RGS6: variants seen among roughly 807,000 people sequenced by gnomAD.
The protein encoded by RGS6 is regulator of G protein signaling 6, also known as regulator of G-protein signaling 6.
Under a neutral mutation model 78.5 loss-of-function variants are expected in RGS6, and 30 were observed. That is an observed-to-expected ratio of 0.38 (90% CI 0.29 to 0.52). RGS6 has a LOEUF of 0.52. Among genes scored for constraint, RGS6 ranks in the 20% least tolerant of loss-of-function variants. The pLI, the probability that RGS6 is intolerant of heterozygous loss-of-function variation, is 0.85. For missense variants in RGS6, 495 were observed against 609.7 expected, an observed-to-expected ratio of 0.81 and a Z score of 1.98; for synonymous variants, 206 against 206.0, an observed-to-expected ratio of 1.00 and a Z score of 0.00.
At chr14:72,198,547 T>A (rs2040741434) in intron 2 of RGS6, among the ~76,000 whole-genome samples, 2 of 152,254 alleles carry the variant, frequency 1.3e-5, no homozygotes, top group African/African-American at 4.8e-5. Context: ...AGTAAGACAC[T>A]GTATTTGTCT....
chr14:72,181,704 A>C (rs1011428984), intron 2 of RGS6, among the ~76,000 whole-genome samples: 1 of 152,202 alleles, frequency 6.6e-6, no homozygotes, highest in Non-Finnish European at 1.5e-5. Context: ...TGGTAAAATA[A>C]TCAGGTTCTC....
At chr14:72,345,614 C>T (rs2152704252) in intron 2 of RGS6, among the ~76,000 whole-genome samples, 1 of 152,300 alleles carries the variant, frequency 6.6e-6, no homozygotes, top group Non-Finnish European at 1.5e-5. Flanking sequence ...GGAACCCATG[C>T]TTATCTTAGC....
chr14:72,442,965 A>C (rs564429014), intron 3 of RGS6, among the ~76,000 whole-genome samples: 42 of 152,314 alleles, frequency 2.8e-4, no homozygotes, highest in Admixed American at 2.7e-3. Context: ...GGGCTCATCT[A>C]TTTGATTGAA....
intron 3 of RGS6, among the ~76,000 whole-genome samples, chr14:72,432,619 G>A (rs897074161): frequency 1.3e-5 from 2 of 152,190 alleles, no homozygotes; most frequent in African/African-American, 2.4e-5. Context: ...TTCCTGAGGA[G>A]CCCAGTTAGT....
intron 2 of RGS6, among the ~76,000 whole-genome samples, chr14:71,976,714 A>G (rs1376661333): frequency 1.3e-5 from 2 of 152,194 alleles, no homozygotes; most frequent in African/African-American, 2.4e-5. Context: ...TAATGCCGCA[A>G]TAAACATACA....
chr14:72,596,063 T>A, the RGS6 span, among the ~76,000 whole-genome samples: 2 of 152,230 alleles, frequency 1.3e-5, no homozygotes, highest in Non-Finnish European at 2.9e-5. Context: ...TGTAGTCATT[T>A]TTCTATTGCT....
chr14:72,534,389 C>A (rs748038459), intron 15 of RGS6, among the ~76,000 whole-genome samples: 11 of 152,092 alleles, frequency 7.2e-5, no homozygotes, highest in Non-Finnish European at 1.2e-4. Context: ...ATTGTGGTGG[C>A]CTGGAACCAA....
chr14:71,964,874 A>C lies in RGS6; in HGVS notation c.83A>C (p.Lys28Thr), dbSNP rs1317895599. The C allele has an allele frequency of 6.2e-7, 1 of 1,613,144 alleles. No individual in the cohort carries two copies. Among genetic ancestry groups the C allele is most frequent in the Admixed American group, 1.7e-5 (1 of 59,990 alleles). ...ESSPNMIVYC[K>T]IEDIITKMQD... ...TCTCCAAACATGATCGTTTACTGCA[A>C]AGTAAGGCGCCTGGTCAAGTGCCGT... Residue 28 changes from lysine (K) to threonine (T), a missense_variant and splice_region_variant, in exon 2 of 18, where the codon AAA (lysine) becomes ACA (threonine). Physicochemically the swap from Lys to Thr is moderately conservative, Grantham distance 78. Coordinates refer to ENST00000553525, the MANE Select transcript of RGS6 (RefSeq NM_001204424.2).
the RGS6 span, chr14:72,620,124 T>TTGGA: frequency 2.6e-5 from 21 of 793,894 alleles, no homozygotes; most frequent in Admixed American, 6.1e-4. Context: ...GAGTCCTCAC[T>TTGGA]GTCCCCTGAA....
At chr14:71,968,372 T>C (rs902181882) in intron 2 of RGS6, among the ~76,000 whole-genome samples, 15 of 152,196 alleles carry the variant, frequency 9.9e-5, no homozygotes, top group Admixed American at 4.6e-4. Context: ...ACTTAGTCTT[T>C]TACAATATCC....
intron 9 of RGS6, among the ~76,000 whole-genome samples, chr14:72,474,280 AATAG>A (rs202056601): frequency 0.011 from 1,603 of 152,348 alleles, 25 homozygotes; most frequent in African/African-American, 0.037. Context: ...AAAATAAATA[AATAG>A]CTACTCATCC....
At chr14:72,250,831 A>G (rs2055560040) in intron 2 of RGS6, among the ~76,000 whole-genome samples, 2 of 152,196 alleles carry the variant, frequency 1.3e-5, no homozygotes, top group Non-Finnish European at 2.9e-5. Flanking sequence ...ATTTTTCTTT[A>G]TCCAGGGTTA....
chr14:72,037,622 A>G (rs2091901370), intron 2 of RGS6, among the ~76,000 whole-genome samples: 1 of 152,224 alleles, frequency 6.6e-6, no homozygotes, highest in Non-Finnish European at 1.5e-5. Context: ...GAATGCTTCA[A>G]ACACCGTTTA....
intron 2 of RGS6, among the ~76,000 whole-genome samples, chr14:72,141,000 A>C (rs2096532209): frequency 6.6e-6 from 1 of 152,188 alleles, no homozygotes; most frequent in South Asian, 2.1e-4. Context: ...CTATATTTGA[A>C]CATTGTTTTA....
At chr14:72,264,619 T>C (rs1248716680) in intron 2 of RGS6, among the ~76,000 whole-genome samples, 7 of 152,210 alleles carry the variant, frequency 4.6e-5, no homozygotes, top group Non-Finnish European at 4.4e-5. Context: ...ATTTTCCAAG[T>C]CTTTTGTCTT....
At chr14:72,002,615 A>AG (rs2083694687) in intron 2 of RGS6, among the ~76,000 whole-genome samples, 1 of 151,580 alleles carries the variant, frequency 6.6e-6, no homozygotes, top group South Asian at 2.1e-4. Context: ...CAAAAAAAAA[A>AG]TGGGAACCCC....
chr14:72,308,044 C>G (rs2067666442), intron 2 of RGS6, among the ~76,000 whole-genome samples: 1 of 152,082 alleles, frequency 6.6e-6, no homozygotes, highest in Admixed American at 6.5e-5. Flanking sequence ...TATGAGCTTC[C>G]CCCAGCCATC....
intron 2 of RGS6, among the ~76,000 whole-genome samples, chr14:72,327,715 G>C (rs986544835): frequency 1.3e-5 from 2 of 152,178 alleles, no homozygotes; most frequent in African/African-American, 4.8e-5. Flanking sequence ...GTGGACTTGA[G>C]ATGCCTGGGT....
chr14:71,924,739 C>T, the RGS6 span, among the ~76,000 whole-genome samples: 2 of 152,104 alleles, frequency 1.3e-5, no homozygotes, highest in Non-Finnish European at 2.9e-5. Flanking sequence ...TTTTTTAAGC[C>T]TGAATAATAT....
Sources: gnomAD v4.1 joint callset for allele counts (sites outside exome capture counted in the v4.1 genomes callset) on GRCh38, gnomAD v4.1.1 for gene constraint, MANE v1.5 for transcripts, NCBI Gene and HGNC (gene_info 2026-07-23, HGNC 2026-07-21) for gene names.